The following PEAK1 variants were observed in gnomAD, a reference collection of about 807,000 sequenced individuals.
The protein encoded by PEAK1 is inactive tyrosine-protein kinase PEAK1.
In PEAK1, 54 loss-of-function variants were observed where a neutral mutation model predicts 124.7. That is an observed-to-expected ratio of 0.43 (90% CI 0.35 to 0.54). The LOEUF (loss-of-function observed/expected upper bound fraction) is 0.54, where lower values mean the gene tolerates loss of function less well. Ranked by LOEUF, PEAK1 falls within the 20% of genes least tolerant of loss-of-function variation. PEAK1 has a pLI of 0.01. For missense variants in PEAK1, 2,046 were observed against 2,134.5 expected (o/e 0.96, Z 0.82); for synonymous variants, 719 against 760.0 (o/e 0.95, Z 0.89).
rs1288632865 is a variant in PEAK1 at position 77,179,035 on chromosome 15, A to C, written c.2892T>G (p.Pro964=). 1.9e-6 allele frequency: 3 copies of C among 1,614,112 alleles called. No homozygotes were observed. Among genetic ancestry groups the C allele is most frequent in the Non-Finnish European group, 2.5e-6 (3 of 1,180,022 alleles). ...GLDGTVIHML[P]PPPVQRHHWF... ...AGTGATGGCGCTGAACTGGAGGAGG[A>C]GGCAGCATGTGAATGACTGTGCCAT... Residue 964 remains proline, a synonymous_variant, in exon 7 of 10, where the codon CCT becomes CCG. Coordinates refer to ENST00000682557, the MANE Select transcript of PEAK1 (RefSeq NM_001385026.1).
chr15:77,286,556 C>T, intron 2 of PEAK1, 52 bp from the exon 3 acceptor site: 1 of 914,290 alleles, frequency 1.1e-6, no homozygotes. Context: ...GCATTTGAAT[C>T]ACTCTTTAAA....
chr15:77,101,420 T>C (rs920165357), exon 7 of PEAK1: 2 of 152,220 alleles, frequency 1.3e-5, no homozygotes, highest in African/African-American at 4.8e-5. Flanking sequence ...GATGAGTCCT[T>C]GGTTATAAAA....
chr15:77,316,137 C>A (rs1188639259), intron 2 of PEAK1, among the ~76,000 whole-genome samples: 1 of 152,080 alleles, frequency 6.6e-6, no homozygotes, highest in African/African-American at 2.4e-5. Context: ...GTAATGCCAC[C>A]ACAGTATTAA....
intron 6 of PEAK1, among the ~76,000 whole-genome samples, chr15:77,220,774 A>G (rs1278188870): frequency 1.3e-5 from 2 of 152,076 alleles, no homozygotes; most frequent in Non-Finnish European, 2.9e-5. Flanking sequence ...TGTGTTTTTT[A>G]TGACAGGGAA....
chr15:77,341,204 A>G (rs532224472), intron 2 of PEAK1, among the ~76,000 whole-genome samples: 15 of 152,120 alleles, frequency 9.9e-5, no homozygotes, highest in Admixed American at 4.6e-4. Context: ...GTCTTCACCA[A>G]CCAAAAAGCT....
intron 1 of PEAK1, among the ~76,000 whole-genome samples, 190 bp downstream of exon 1, chr15:77,419,815 CG>C (rs910657052): frequency 5.4e-5 from 8 of 148,428 alleles, no homozygotes; most frequent in Admixed American, 1.3e-4. Flanking sequence ...GAGCCCGCGC[CG>C]GGCGGGACGC....
chr15:77,117,434 A>C (rs375544527), intron 9 of PEAK1, among the ~76,000 whole-genome samples: 1 of 152,272 alleles, frequency 6.6e-6, no homozygotes, highest in Non-Finnish European at 1.5e-5. Context: ...TGTAAACTAC[A>C]AAGTTGTACA....
intron 1 of PEAK1, among the ~76,000 whole-genome samples, chr15:77,366,963 G>A (rs188341717): frequency 2.6e-5 from 4 of 152,162 alleles, no homozygotes; most frequent in Non-Finnish European, 2.9e-5. Context: ...GTGAAACCCC[G>A]TCTCTACTAA....
chr15:77,269,046 AC>A (rs1172060653), intron 5 of PEAK1, among the ~76,000 whole-genome samples: 41 of 151,558 alleles, frequency 2.7e-4, no homozygotes, highest in African/African-American at 8.7e-4. Flanking sequence ...CTCCAAATAC[AC>A]CCAAATCGAA....
chr15:77,336,673 T>C (rs1023742623), intron 2 of PEAK1: 2 of 386,870 alleles, frequency 5.2e-6, no homozygotes, highest in East Asian at 1.6e-4. Context: ...CTTGATTATA[T>C]ACCTCTATAA....
chr15:77,319,167 A>T (rs2065050116), intron 2 of PEAK1, among the ~76,000 whole-genome samples: 1 of 152,146 alleles, frequency 6.6e-6, no homozygotes, highest in Non-Finnish European at 1.5e-5. Context: ...CTATTCTTAC[A>T]GAAAAGGTGG....
chr15:77,194,504 C>G (rs999524115), intron 6 of PEAK1, among the ~76,000 whole-genome samples: 2 of 152,190 alleles, frequency 1.3e-5, no homozygotes, highest in Non-Finnish European at 2.9e-5. Flanking sequence ...TCCTATAGAT[C>G]TTTTGATCCT....
In PEAK1 at chr15:77,114,937, T is replaced by C; in HGVS notation, c.4460A>G (p.Asp1487Gly). 6.2e-7 allele frequency: 1 copy of C among 1,614,052 alleles called. No homozygotes were observed. Among genetic ancestry groups the C allele is most frequent in the Non-Finnish European group, 8.5e-7 (1 of 1,180,008 alleles). The stretch of plus-strand genomic sequence containing the variant: ...CAGACACACCTGCCTCTCATACAAA[T>C]CAGGGCTTTTCCCATGCTGGGCCAG... Reference protein sequence around the residue: ...DSLAQHGKSPDLYERQVCLLL... With the variant: ...DSLAQHGKSPGLYERQVCLLL... The change falls in exon 10 of 10, where the codon GAT becomes GGT. Residue 1487 changes from aspartate (D) to glycine (G), a missense_variant. Asp to Gly is a moderately conservative substitution (Grantham distance 94). Coordinates refer to ENST00000682557, the MANE Select transcript of PEAK1 (RefSeq NM_001385026.1).
chr15:77,114,359 C>A lies in PEAK1; in HGVS notation c.5038G>T (p.Ala1680Ser), dbSNP rs201627499. The A allele has an allele frequency of 6.2e-7, 1 of 1,614,118 alleles. No individual in the cohort carries two copies. The highest frequency in any genetic ancestry group is 1.1e-5 in the South Asian group (1 of 91,084). Residue 1680 changes from alanine (A) to serine (S), a missense_variant, in exon 10 of 10, where the codon GCC (alanine) becomes TCC (serine). Ala to Ser is a moderately conservative substitution (Grantham distance 99). Coordinates refer to ENST00000682557, the MANE Select transcript of PEAK1 (RefSeq NM_001385026.1). Reference sequence around the variant, plus strand: ...TTCCTCTGTACTAGGCTAGGGCAGGCGGTGAAAGTCTGGAAGAGATCTTCG... The same window carrying A: ...TTCCTCTGTACTAGGCTAGGGCAGGAGGTGAAAGTCTGGAAGAGATCTTCG... ...PREDLFQTFTACPSLVQRNTL... is the reference protein window; with the variant it reads ...PREDLFQTFTSCPSLVQRNTL...
intron 6 of PEAK1, among the ~76,000 whole-genome samples, chr15:77,241,553 A>G (rs982128025): frequency 2.2e-4 from 33 of 152,164 alleles, no homozygotes; most frequent in Admixed American, 1.7e-3. Context: ...TGCATATGAC[A>G]TGACTATGTA....
intron 6 of PEAK1, among the ~76,000 whole-genome samples, chr15:77,203,994 C>T (rs942168780): frequency 6.6e-6 from 1 of 152,060 alleles, no homozygotes; most frequent in East Asian, 1.9e-4. Flanking sequence ...CATAGTGATA[C>T]GAAATATTTG....
chr15:77,278,651 G>T, intron 5 of PEAK1: 1 of 521,984 alleles, frequency 1.9e-6, no homozygotes, highest in Non-Finnish European at 3.8e-6. Flanking sequence ...AGCTGACACT[G>T]GCAAGGAGGG....
intron 8 of PEAK1, among the ~76,000 whole-genome samples, chr15:77,134,971 T>C (rs539786211): frequency 9.9e-5 from 15 of 152,198 alleles, no homozygotes; most frequent in Non-Finnish European, 1.8e-4. Flanking sequence ...CTACATGACA[T>C]TGGAGGCAGA....
intron 6 of PEAK1, among the ~76,000 whole-genome samples, chr15:77,220,662 G>A (rs2059347151): frequency 6.6e-6 from 1 of 150,378 alleles, no homozygotes; most frequent in South Asian, 2.1e-4. Context: ...AAATTCACAT[G>A]TCTTTTTATC....
Sources: allele counts gnomAD v4.1 joint callset (sites outside exome capture counted in the v4.1 genomes callset), GRCh38; gene constraint gnomAD v4.1.1; transcripts MANE v1.5; gene names NCBI Gene and HGNC (gene_info 2026-07-23, HGNC 2026-07-21).